The following CDH18 variants were observed in gnomAD, a reference collection of about 807,000 sequenced individuals.
CDH18 encodes cadherin 18.
Under a neutral mutation model 67.9 loss-of-function variants are expected in CDH18, and 31 were observed. The ratio of observed to expected loss-of-function variants is 0.46; its 90% CI spans 0.34 to 0.62. CDH18 has a LOEUF of 0.62. Among genes scored for constraint, CDH18 ranks in the 20% least tolerant of loss-of-function variants. The pLI, the probability that CDH18 is intolerant of heterozygous loss-of-function variation, is 0.01. For synonymous variants in CDH18, 362 were observed against 347.2 expected, an observed-to-expected ratio of 1.04 and a Z score of -0.48; for missense variants, 890 against 975.5, an observed-to-expected ratio of 0.91 and a Z score of 1.17.
At chr5:19,808,817 A>C (rs994668326) in intron 3 of CDH18, among the ~76,000 whole-genome samples, 11 of 133,138 alleles carry the variant, frequency 8.3e-5, no homozygotes, top group African/African-American at 3.0e-4. Context: ...GGGTGACAAG[A>C]GCGAAACTCT....
rs545030420 is a variant in CDH18 at position 19,647,056 on chromosome 5, T to C, written c.644-34455A>G. 3.9e-5 allele frequency among the ~76,000 whole-genome samples: 6 copies of C among 152,204 alleles called. No individual in the cohort carries two copies. The East Asian group carries it at 1.2e-3, about 29-fold the overall frequency. On this transcript the variant is annotated intron_variant, in intron 5 of 12. Transcript: ENST00000382275. ...AAAGTTAATCATAGATTTTAGCATATTTAAAACTCACCAGTCTGGGAAAGA... is the reference window on the plus strand; with the variant it reads ...AAAGTTAATCATAGATTTTAGCATACTTAAAACTCACCAGTCTGGGAAAGA...
intron 2 of CDH18, among the ~76,000 whole-genome samples, chr5:19,849,743 CATAT>C: frequency 1.8e-5 from 1 of 54,266 alleles, no homozygotes; most frequent in African/African-American, 9.8e-5. Context: ...TATATATAAA[CATAT>C]ATATACACGC....
chr5:20,373,620 G>A (rs1007474415), intron 1 of CDH18, among the ~76,000 whole-genome samples: 5 of 151,118 alleles, frequency 3.3e-5, no homozygotes, highest in Admixed American at 6.6e-5. Context: ...AGAATTAATT[G>A]TAGTCTCTCC....
chr5:19,960,180 T>C (rs1796650982), intron 2 of CDH18, among the ~76,000 whole-genome samples: 1 of 152,120 alleles, frequency 6.6e-6, no homozygotes, highest in African/African-American at 2.4e-5. Flanking sequence ...ACTGTAAGTT[T>C]TTGCATTATC....
At chr5:19,639,893 C>T (rs1253325553) in intron 5 of CDH18, among the ~76,000 whole-genome samples, 2 of 152,144 alleles carry the variant, frequency 1.3e-5, no homozygotes, top group African/African-American at 4.8e-5. Flanking sequence ...TCATCACATA[C>T]AAGGGAATTA....
rs992073411 is a variant in CDH18, at chr5:19,725,214, C to G, written c.524-3748G>C. Among the ~76,000 whole-genome samples the G allele has an allele frequency of 2.2e-4, 33 of 152,032 alleles. 1 individual carries two copies. Among genetic ancestry groups the G allele is most frequent in the African/African-American group, 8.0e-4 (33 of 41,438 alleles). ...GTGCTGGGATTACAGGCGTGAGCCA[C>G]CGCACCCGGCCCATATTAGGGACTT... On this transcript the variant is annotated intron_variant, in intron 4 of 12. Coordinates refer to ENST00000382275, the MANE Select transcript of CDH18 (RefSeq NM_004934.5).
intron 6 of CDH18, among the ~76,000 whole-genome samples, chr5:19,597,271 T>A (rs1024424498): frequency 1.3e-5 from 2 of 152,306 alleles, no homozygotes; most frequent in Middle Eastern, 6.8e-3. Context: ...TACACTGGAA[T>A]CTCATAAGCA....
rs551663305 is a variant in CDH18 at position 19,887,733 on chromosome 5, T to G, written c.-256-48491A>C. ...CACAGGTGCACACCACCATGTGTTTTTTTTTTTTTTAATTTTTTTGTAAAG... is the reference window on the plus strand; with the variant it reads ...CACAGGTGCACACCACCATGTGTTTGTTTTTTTTTTAATTTTTTTGTAAAG... On this transcript the variant is annotated intron_variant, in intron 2 of 12. Coordinates refer to ENST00000382275, the MANE Select transcript of CDH18 (RefSeq NM_004934.5). Among the ~76,000 whole-genome samples, 13 of 151,772 alleles carry G rather than the reference T, an allele frequency of 8.6e-5. No homozygotes were observed. The East Asian group carries it at 2.3e-3, about 27-fold the overall frequency.
At chr5:20,068,073 C>T (rs775104284) in intron 2 of CDH18, among the ~76,000 whole-genome samples, 9 of 151,984 alleles carry the variant, frequency 5.9e-5, no homozygotes, top group Admixed American at 3.3e-4. Flanking sequence ...ACACTTTCAA[C>T]GTGGACTCTA....
intron 1 of CDH18, chr5:20,331,491 G>A (rs951053096): frequency 1.3e-5 from 2 of 152,152 alleles, no homozygotes; most frequent in African/African-American, 2.4e-5. Flanking sequence ...CTATAAAAGT[G>A]TGAAATAGAT....
intron 2 of CDH18, among the ~76,000 whole-genome samples, chr5:20,106,765 A>C (rs1746976196): frequency 1.3e-5 from 2 of 152,188 alleles, no homozygotes; most frequent in African/African-American, 2.4e-5. Flanking sequence ...ACTATATGGG[A>C]ACTGTGAAAA....
In CDH18 at chr5:20,242,601, A is replaced by ATAT. The variant is rs1454331020; in HGVS notation, c.-518+12842_-518+12843insATA. On this transcript the variant is annotated intron_variant, in intron 2 of 14. Transcript: ENST00000507958. Reference sequence around the variant, plus strand: ...GGTTTTGGGTTTCATTGAGGGAAAAAAAAAAAAAAAATATATATATATATA... The same window carrying ATAT: ...GGTTTTGGGTTTCATTGAGGGAAAAATATAAAAAAAAAAATATATATATATATA... Among the ~76,000 whole-genome samples, 51 of 55,826 alleles carry ATAT rather than the reference A, an allele frequency of 9.1e-4. 3 individuals carry two copies. The East Asian group carries it at 0.015, about 17-fold the overall frequency. The allele number at this position is 55,826 out of a possible 152,430, so 36.6% of individuals were successfully genotyped here. A position where few individuals can be genotyped will look rare whatever the true frequency, so the allele number is the denominator to read the frequency against.
chr5:20,407,510 A>T (rs1192263139), intron 1 of CDH18, among the ~76,000 whole-genome samples: 2 of 150,926 alleles, frequency 1.3e-5, no homozygotes, highest in Admixed American at 6.6e-5. Flanking sequence ...AAAAAAAAAA[A>T]CTCGTAGAAG....
At chr5:19,662,518 T>C (rs1490127761) in intron 5 of CDH18, among the ~76,000 whole-genome samples, 1 of 152,120 alleles carries the variant, frequency 6.6e-6, no homozygotes, top group Non-Finnish European at 1.5e-5. Context: ...TTGTACAGTT[T>C]ATATTATCTC....
chr5:19,492,568 C>T (rs1277651875), intron 11 of CDH18, among the ~76,000 whole-genome samples: 2 of 151,976 alleles, frequency 1.3e-5, no homozygotes, highest in Admixed American at 6.6e-5. Flanking sequence ...AATCAGAAAA[C>T]ATTTCATACT....
At chr5:19,563,186 T>G (rs556230937) in intron 8 of CDH18, among the ~76,000 whole-genome samples, 1 of 152,332 alleles carries the variant, frequency 6.6e-6, no homozygotes, top group South Asian at 2.1e-4. Context: ...TTTTTATTTT[T>G]TATTAGTTAT....
At chr5:19,750,640 T>C (rs923796790) in intron 3 of CDH18, among the ~76,000 whole-genome samples, 2 of 152,030 alleles carry the variant, frequency 1.3e-5, no homozygotes, top group African/African-American at 4.8e-5. Context: ...ACCAGTTAAA[T>C]GTAGGTTACA....
At chr5:19,710,030 G>A (rs566190471) in intron 5 of CDH18, among the ~76,000 whole-genome samples, 3 of 152,218 alleles carry the variant, frequency 2.0e-5, no homozygotes, top group South Asian at 2.1e-4. Context: ...AGCTACACAG[G>A]AGGCTGAGGC....
chr5:20,317,764 C>A (rs1737610795), intron 1 of CDH18, among the ~76,000 whole-genome samples: 2 of 152,058 alleles, frequency 1.3e-5, no homozygotes, highest in South Asian at 4.2e-4. Context: ...GTGACATGGT[C>A]TAAATTTTGC....
Sources: gnomAD v4.1 joint callset for allele counts (sites outside exome capture counted in the v4.1 genomes callset) on GRCh38, gnomAD v4.1.1 for gene constraint, MANE v1.5 for transcripts, NCBI Gene and HGNC (gene_info 2026-07-23, HGNC 2026-07-21) for gene names.